Variants in JAK1 observed in about 807,000 individuals in gnomAD.
JAK1 encodes the protein Janus kinase 1, also known as tyrosine-protein kinase JAK1.
Under a neutral mutation model 136.6 loss-of-function variants are expected in JAK1, and 16 were observed. The ratio of observed to expected loss-of-function variants is 0.12; its 90% CI spans 0.08 to 0.18. The LOEUF (loss-of-function observed/expected upper bound fraction) is 0.18. Among genes scored for constraint, JAK1 ranks in the 10% least tolerant of loss-of-function variants. JAK1 has a pLI of 1.00. For synonymous variants in JAK1, 492 were observed against 519.5 expected, an observed-to-expected ratio of 0.95 and a Z score of 0.72; for missense variants, 859 against 1,450.1, an observed-to-expected ratio of 0.59 and a Z score of 6.62.
At chr1:64,862,885 TTA>T (rs1176286654) in intron 8 of JAK1, among the ~76,000 whole-genome samples, 2 of 152,320 alleles carry the variant, frequency 1.3e-5, no homozygotes, top group East Asian at 3.9e-4. Context: ...TGCCTCTTGA[TTA>T]GTCTCAGATT....
intron 1 of JAK1, among the ~76,000 whole-genome samples, chr1:65,047,241 T>C (rs1647192617): frequency 6.6e-6 from 1 of 152,134 alleles, no homozygotes; most frequent in Admixed American, 6.5e-5. Flanking sequence ...ACTGTTACCA[T>C]GAATACTTAA....
At chr1:64,914,507 T>A (rs1236261370) in intron 1 of JAK1, among the ~76,000 whole-genome samples, 1 of 152,242 alleles carries the variant, frequency 6.6e-6, no homozygotes. Flanking sequence ...TATCCAAGGC[T>A]GACCTCTTTT....
intron 2 of JAK1, chr1:64,985,265 C>T: frequency 6.2e-7 from 1 of 1,607,734 alleles, no homozygotes; most frequent in South Asian, 1.1e-5. Flanking sequence ...GCTGAGAGAG[C>T]TGGAGCATGA....
chr1:64,988,900 A>G (rs1646625072), intron 2 of JAK1, among the ~76,000 whole-genome samples: 1 of 149,346 alleles, frequency 6.7e-6, no homozygotes, highest in Non-Finnish European at 1.5e-5. Context: ...AATAAATAAA[A>G]TTTAAAAATA....
chr1:65,009,770 AG>A (rs972091028), intron 2 of JAK1, among the ~76,000 whole-genome samples: 4 of 152,198 alleles, frequency 2.6e-5, no homozygotes, highest in African/African-American at 9.6e-5. Context: ...AAGTACAGAG[AG>A]GAAGAGTTAC....
intron 6 of JAK1, among the ~76,000 whole-genome samples, chr1:64,867,597 G>C (rs1275674231): frequency 6.6e-6 from 1 of 152,246 alleles, no homozygotes; most frequent in Non-Finnish European, 1.5e-5. Context: ...CAAGGTGTTA[G>C]GAGCAATTGT....
intron 1 of JAK1, among the ~76,000 whole-genome samples, chr1:64,910,005 T>C (rs530119313): frequency 2.0e-4 from 31 of 152,310 alleles, no homozygotes; most frequent in African/African-American, 7.5e-4. Flanking sequence ...GACCAGAGTA[T>C]ATTCTTTATT....
chr1:64,971,741 T>C (rs1467544000), intron 2 of JAK1, among the ~76,000 whole-genome samples: 1 of 152,170 alleles, frequency 6.6e-6, no homozygotes, highest in African/African-American at 2.4e-5. Context: ...GTATTTTTAG[T>C]AGAGACAGGG....
At chr1:64,967,711 A>C (rs1276523487), upstream of JAK1, among the ~76,000 whole-genome samples, 1 of 152,220 alleles carries the variant, frequency 6.6e-6, no homozygotes, top group Non-Finnish European at 1.5e-5. Context: ...TTTGGCCTCC[A>C]CCAGTAACCA....
rs1654394959 is a variant in JAK1 at position 64,835,145 on chromosome 1, G to A, written c.3369+251C>T. ...GGCTACACCAAAACCTGTCCCTCTG[G>A]GGCAAGCAAGTGGATAAAGAGGGGC... On this transcript the variant is annotated intron_variant, in intron 24 of 24. Transcript: ENST00000342505. Among the ~76,000 whole-genome samples, 4 of 152,174 alleles carry A rather than the reference G, an allele frequency of 2.6e-5. No homozygotes were observed. The South Asian group carries it at 6.2e-4, about 24-fold the overall frequency.
At chr1:65,015,645 G>A (rs987644517) in intron 2 of JAK1, among the ~76,000 whole-genome samples, 8 of 152,126 alleles carry the variant, frequency 5.3e-5, no homozygotes, top group Admixed American at 3.3e-4. Context: ...AAAGCTTCTC[G>A]GACTGGAGAA....
chr1:64,994,339 G>A (rs554021804), intron 2 of JAK1, among the ~76,000 whole-genome samples: 1 of 152,346 alleles, frequency 6.6e-6, no homozygotes, highest in African/African-American at 2.4e-5. Context: ...CCCAGCGCCT[G>A]ATGCAGCCAC....
In JAK1 at chr1:64,982,104, A is replaced by G. The variant is rs563269293; in HGVS notation, c.-78+62376T>C. On this transcript the variant is annotated intron_variant, in intron 2 of 25. Transcript: ENST00000671954. ...AAATAACACACACACACACACACGC[A>G]CACACACACGCACACACACGCACAC... Among the ~76,000 whole-genome samples, 15 of 146,806 alleles carry G rather than the reference A, an allele frequency of 1.0e-4. No individual in the cohort carries two copies. In the East Asian group the frequency reaches 2.3e-3, roughly 23 times the overall value.
intron 11 of JAK1, among the ~76,000 whole-genome samples, chr1:64,853,380 T>A (rs996922903): frequency 1.3e-5 from 2 of 152,154 alleles, no homozygotes; most frequent in Non-Finnish European, 2.9e-5. Flanking sequence ...ACAGAAGGAA[T>A]CACTGGACTT....
At chr1:64,970,656 C>A (rs1646443298), upstream of JAK1, among the ~76,000 whole-genome samples, 1 of 151,366 alleles carries the variant, frequency 6.6e-6, no homozygotes, top group African/African-American at 2.4e-5. Context: ...CCCAGCTACT[C>A]GAGAGGCTGA....
At chr1:65,067,151 G>GCGCCGCCGC in intron 1 of JAK1, among the ~76,000 whole-genome samples, 1 of 151,032 alleles carries the variant, frequency 6.6e-6, no homozygotes, top group Admixed American at 6.6e-5. Context: ...GGCCCGGCCC[G>GCGCCGCCGC]CCCCGCGCCG....
At chr1:64,842,296 T>C (rs1654955771) in intron 17 of JAK1, among the ~76,000 whole-genome samples, 1 of 152,200 alleles carries the variant, frequency 6.6e-6, no homozygotes, top group African/African-American at 2.4e-5. Context: ...TTTTTAATAG[T>C]TTCATTTTAA....
intron 1 of JAK1, among the ~76,000 whole-genome samples, chr1:64,902,936 A>G (rs894296769): frequency 3.3e-5 from 5 of 152,170 alleles, no homozygotes; most frequent in African/African-American, 1.2e-4. Context: ...ACTGTGTGGC[A>G]GCTTCTACCC....
chr1:64,934,348 T>C (rs1412760088), intron 1 of JAK1, among the ~76,000 whole-genome samples: 4 of 152,168 alleles, frequency 2.6e-5, no homozygotes, highest in African/African-American at 9.7e-5. Context: ...GTCACAGCTC[T>C]GAGAAGGGGA....
Sources: gnomAD v4.1 joint callset for allele counts (sites outside exome capture counted in the v4.1 genomes callset) on GRCh38, gnomAD v4.1.1 for gene constraint, MANE v1.5 for transcripts, NCBI Gene and HGNC (gene_info 2026-07-23, HGNC 2026-07-21) for gene names.